FARP1: variants seen among roughly 807,000 people sequenced by gnomAD.
The protein encoded by FARP1 is FERM, ARHGEF and pleckstrin domain-containing protein 1.
In FARP1, 52 loss-of-function variants were observed where a neutral mutation model predicts 128.8. That is an observed-to-expected ratio of 0.40 (90% CI 0.32 to 0.51). The LOEUF (loss-of-function observed/expected upper bound fraction) is 0.51, where lower values mean the gene tolerates loss of function less well. FARP1 is among the 20% of genes least tolerant of loss of function. The pLI is 0.45. For missense variants in FARP1, 1,333 were observed against 1,367.9 expected, an observed-to-expected ratio of 0.97 and a Z score of 0.40; for synonymous variants, 580 against 551.8, an observed-to-expected ratio of 1.05 and a Z score of -0.72.
intron 2 of FARP1, among the ~76,000 whole-genome samples, chr13:98,227,159 G>A (rs1187114603): frequency 6.6e-6 from 1 of 152,094 alleles, no homozygotes; most frequent in Non-Finnish European, 1.5e-5. Context: ...AGTCAGGATG[G>A]TCTCGATCTC....
chr13:98,236,231 G>C (rs1285836637), intron 2 of FARP1, among the ~76,000 whole-genome samples: 7 of 152,184 alleles, frequency 4.6e-5, no homozygotes, highest in Non-Finnish European at 8.8e-5. Context: ...CAAAAACCTT[G>C]ATTTGTAGCC....
rs529134952 is a variant in FARP1, at chr13:98,359,787, C to T, written c.277-5608C>T. ...CTTGGTGGGTGGTAGGCTATGCCAC[C>T]TAGGTGTGTGTAAGTTCACTGTATG... On this transcript the variant is annotated intron_variant, in intron 3 of 26. Coordinates refer to ENST00000319562, the MANE Select transcript of FARP1 (RefSeq NM_005766.4). 2.6e-5 allele frequency among the ~76,000 whole-genome samples: 4 copies of T among 152,300 alleles called. No homozygotes were observed. In the South Asian group the frequency reaches 8.3e-4, roughly 32 times the overall value.
At chr13:98,276,585 A>G (rs1884664828) in intron 2 of FARP1, among the ~76,000 whole-genome samples, 1 of 152,232 alleles carries the variant, frequency 6.6e-6, no homozygotes, top group African/African-American at 2.4e-5. Context: ...GCTTAAAAGC[A>G]TCTTTATTAT....
chr13:98,343,721 GTGCC>G (rs1566900183), intron 2 of FARP1, 37 bp from the exon 3 acceptor site: 1 of 1,381,582 alleles, frequency 7.2e-7, no homozygotes, highest in South Asian at 1.2e-5. Context: ...GTTTTCATCC[GTGCC>G]TGCCTCAGGG....
chr13:98,260,849 A>G (rs1566805333), intron 2 of FARP1, among the ~76,000 whole-genome samples: 1 of 152,202 alleles, frequency 6.6e-6, no homozygotes, highest in African/African-American at 2.4e-5. Context: ...GAGTCAGGCC[A>G]CAGATAGGAT....
chr13:98,358,096 G>T (rs1432622691), intron 3 of FARP1, among the ~76,000 whole-genome samples: 5 of 144,878 alleles, frequency 3.5e-5, no homozygotes, highest in African/African-American at 5.1e-5. Context: ...TCCTGACCTT[G>T]ACTACTTCCC....
chr13:98,289,792 C>T (rs542198494), intron 2 of FARP1, among the ~76,000 whole-genome samples: 94 of 138,430 alleles, frequency 6.8e-4, no homozygotes, highest in African/African-American at 2.1e-3. Context: ...CAGACGCCCT[C>T]CCGAAAGCCT....
At chr13:98,442,057 T>G (rs1254226712) in intron 24 of FARP1, among the ~76,000 whole-genome samples, 1 of 152,214 alleles carries the variant, frequency 6.6e-6, no homozygotes, top group East Asian at 1.9e-4. Flanking sequence ...TGCCCTGAGC[T>G]GGGGCGAGGC....
intron 2 of FARP1, among the ~76,000 whole-genome samples, chr13:98,246,989 G>A (rs150630323): frequency 6.6e-6 from 1 of 152,220 alleles, no homozygotes; most frequent in African/African-American, 2.4e-5. Context: ...ACTTTGGGAG[G>A]CCAAGGTGGA....
At chr13:98,236,155 G>T (rs1882406026) in intron 2 of FARP1, among the ~76,000 whole-genome samples, 1 of 152,076 alleles carries the variant, frequency 6.6e-6, no homozygotes, top group African/African-American at 2.4e-5. Context: ...CCCGTTTTTA[G>T]AACAAAGAGG....
intron 24 of FARP1, among the ~76,000 whole-genome samples, chr13:98,441,565 C>T (rs1264087883): frequency 6.6e-6 from 1 of 152,170 alleles, no homozygotes; most frequent in East Asian, 1.9e-4. Context: ...TTCCTTGCTC[C>T]GGGGTATGGT....
intron 16 of FARP1, among the ~76,000 whole-genome samples, chr13:98,417,577 G>A (rs1393918409): frequency 6.6e-6 from 1 of 151,774 alleles, no homozygotes; most frequent in Non-Finnish European, 1.5e-5. Flanking sequence ...AGTTCCTGGT[G>A]TACAGGAGCA....
intron 2 of FARP1, among the ~76,000 whole-genome samples, chr13:98,302,184 A>C (rs1885953544): frequency 1.3e-5 from 2 of 152,228 alleles, no homozygotes; most frequent in African/African-American, 4.8e-5. Context: ...TCTGCTCTTT[A>C]ATGGAAAGCC....
At chr13:98,433,369 A>T (rs1892123331) in intron 18 of FARP1, 1 of 152,254 alleles carries the variant, frequency 6.6e-6, no homozygotes, top group South Asian at 2.1e-4. Flanking sequence ...TGAGACAGTG[A>T]CAGTTCACAG....
intron 2 of FARP1, among the ~76,000 whole-genome samples, chr13:98,221,573 T>C (rs1881416461): frequency 6.6e-6 from 1 of 152,224 alleles, no homozygotes; most frequent in Non-Finnish European, 1.5e-5. Flanking sequence ...TTTGTGGACT[T>C]ACGTGCAGCT....
At chr13:98,277,584 T>C (rs965890326) in intron 2 of FARP1, among the ~76,000 whole-genome samples, 1 of 152,126 alleles carries the variant, frequency 6.6e-6, no homozygotes, top group Admixed American at 6.5e-5. Flanking sequence ...GTGGTGGCGC[T>C]GGGAAAGGGG....
chr13:98,280,480 C>T (rs1462905040), intron 2 of FARP1, among the ~76,000 whole-genome samples: 1 of 152,196 alleles, frequency 6.6e-6, no homozygotes, highest in African/African-American at 2.4e-5. Context: ...CCATGTGCTC[C>T]CCGCTCACCC....
intron 21 of FARP1, 105 bp downstream of exon 21, chr13:98,439,301 G>C: frequency 1.3e-6 from 1 of 751,836 alleles, no homozygotes; most frequent in Non-Finnish European, 2.3e-6. Context: ...TAGGGAGGGA[G>C]AGGGTGGCTA....
At chr13:98,446,984 A>T (rs758668833) in intron 26 of FARP1, 167 bp downstream of exon 26, 1 of 686,094 alleles carries the variant, frequency 1.5e-6, no homozygotes, top group African/African-American at 1.8e-5. Context: ...TTCTGTTCTC[A>T]TGGCAGAAAG....
Sources: gnomAD v4.1 joint callset for allele counts (sites outside exome capture counted in the v4.1 genomes callset) on GRCh38, gnomAD v4.1.1 for gene constraint, MANE v1.5 for transcripts, NCBI Gene and HGNC (gene_info 2026-07-23, HGNC 2026-07-21) for gene names.